Variants in SERPINI1 observed in about 807,000 individuals in gnomAD.
SERPINI1 encodes the protein serpin family I member 1, also known as neuroserpin.
In SERPINI1, 19 loss-of-function variants were observed where a neutral mutation model predicts 41.1. The ratio of observed to expected loss-of-function variants is 0.46; its 90% CI spans 0.32 to 0.68. The LOEUF is 0.68. Ranked by LOEUF, SERPINI1 falls within the 30% of genes least tolerant of loss-of-function variation. The probability of loss-of-function intolerance (pLI) is 0.03; values close to 1 mark genes in which losing one functional copy is unlikely to be tolerated. For missense variants in SERPINI1, 460 were observed against 479.2 expected, an observed-to-expected ratio of 0.96 and a Z score of 0.37; for synonymous variants, 138 against 156.6, an observed-to-expected ratio of 0.88 and a Z score of 0.89.
chr3:167,798,597 C>T (rs1322159124), intron 5 of SERPINI1, among the ~76,000 whole-genome samples: 1 of 152,120 alleles, frequency 6.6e-6, no homozygotes, highest in African/African-American at 2.4e-5. Flanking sequence ...TAATGGTTTG[C>T]ATAGTTTTAT....
intron 6 of SERPINI1, among the ~76,000 whole-genome samples, chr3:167,811,277 T>C (rs1711867099): frequency 6.6e-6 from 1 of 151,300 alleles, no homozygotes; most frequent in South Asian, 2.1e-4. Flanking sequence ...TCCTAACATC[T>C]GCAATGCCCA....
intron 5 of SERPINI1, among the ~76,000 whole-genome samples, chr3:167,803,038 A>G (rs944724012): frequency 7.4e-4 from 113 of 152,122 alleles, no homozygotes; most frequent in Non-Finnish European, 1.2e-3. Flanking sequence ...GAAAAAACCA[A>G]ACACCGCATA....
chr3:167,817,888 C>T (rs980361515), intron 6 of SERPINI1, among the ~76,000 whole-genome samples: 9 of 145,382 alleles, frequency 6.2e-5, no homozygotes, highest in South Asian at 4.2e-4. Context: ...CGTGAGCCAC[C>T]GCGCCCGGCC....
chr3:167,757,925 T>C (rs1195266863), intron 1 of SERPINI1, among the ~76,000 whole-genome samples: 1 of 152,060 alleles, frequency 6.6e-6, no homozygotes, highest in African/African-American at 2.4e-5. Flanking sequence ...TCTCAAAAAA[T>C]AAAGAAAAAT....
chr3:167,742,125 A>G (rs1725700089), intron 1 of SERPINI1, among the ~76,000 whole-genome samples: 1 of 152,152 alleles, frequency 6.6e-6, no homozygotes, highest in African/African-American at 2.4e-5. Context: ...AAAGGTGTAA[A>G]TAATAGCTAT....
chr3:167,804,252 C>G (rs1711545557), intron 5 of SERPINI1, among the ~76,000 whole-genome samples: 1 of 152,088 alleles, frequency 6.6e-6, no homozygotes, highest in South Asian at 2.1e-4. Flanking sequence ...TCATATTTTT[C>G]CATAACTGTG....
chr3:167,781,288 A>T (rs1727116368), intron 1 of SERPINI1, among the ~76,000 whole-genome samples: 1 of 152,086 alleles, frequency 6.6e-6, no homozygotes, highest in Admixed American at 6.6e-5. Flanking sequence ...ACCATGATAA[A>T]GTTTTCACCA....
rs1319322745 is a variant in SERPINI1, at chr3:167,794,816, C to A, written c.873C>A (p.Tyr291Ter). 1 of 1,612,608 alleles carries A rather than the reference C, an allele frequency of 6.2e-7. No homozygotes were observed. The highest frequency in any genetic ancestry group is 1.3e-5 in the African/African-American group (1 of 74,846). ...TGAAGAAGCAAAAAGTAGAAGTATA[C>A]CTGCCCAGGTATGAGGTTCCTGTGT... ...NSVKKQKVEVYLPRFTVEQEI... is the reference protein window; with the variant it reads ...NSVKKQKVEV The change falls in exon 5 of 9, where the codon TAC (tyrosine) becomes TAA (stop). Residue 291 changes from tyrosine to a stop codon, truncating the protein, a stop_gained. Coordinates refer to ENST00000446050, the MANE Select transcript of SERPINI1 (RefSeq NM_001122752.2). LOFTEE classifies it high-confidence loss of function.
chr3:167,795,508 A>G (rs1727682145), intron 5 of SERPINI1, among the ~76,000 whole-genome samples: 2 of 152,044 alleles, frequency 1.3e-5, no homozygotes, highest in Admixed American at 1.3e-4. Flanking sequence ...ATCTCCACTT[A>G]TGTTCTTGCA....
chr3:167,808,134 TAATAAATAAATA>T (rs60263204), intron 6 of SERPINI1, among the ~76,000 whole-genome samples: 1 of 146,848 alleles, frequency 6.8e-6, no homozygotes, highest in Non-Finnish European at 1.5e-5. Context: ...ATAGTAATGA[TAATAAATAAATA>T]AATAAATAAA....
chr3:167,803,982 G>T (rs1410194032), intron 5 of SERPINI1, among the ~76,000 whole-genome samples: 1 of 152,160 alleles, frequency 6.6e-6, no homozygotes, highest in Non-Finnish European at 1.5e-5. Context: ...CTCCACATAA[G>T]TGTTCAAAAA....
intron 1 of SERPINI1, among the ~76,000 whole-genome samples, chr3:167,743,108 T>C (rs1446007395): frequency 6.6e-6 from 1 of 152,118 alleles, no homozygotes; most frequent in Non-Finnish European, 1.5e-5. Flanking sequence ...ATAGACTGCA[T>C]TAAAAAATAT....
At chr3:167,774,037 GT>G (rs1015983498) in intron 1 of SERPINI1, among the ~76,000 whole-genome samples, 3 of 148,780 alleles carry the variant, frequency 2.0e-5, no homozygotes, top group African/African-American at 7.6e-5. Context: ...TCTACCACAA[GT>G]TTTTTTCTAA....
chr3:167,755,220 G>A (rs1329139130), intron 1 of SERPINI1, among the ~76,000 whole-genome samples: 1 of 152,098 alleles, frequency 6.6e-6, no homozygotes, highest in Non-Finnish European at 1.5e-5. Context: ...ACCTATTTCA[G>A]GATGGTAGTT....
At chr3:167,811,449 T>A in intron 6 of SERPINI1, among the ~76,000 whole-genome samples, 1 of 117,114 alleles carries the variant, frequency 8.5e-6, no homozygotes, top group African/African-American at 3.0e-5. Context: ...GTCAAGCATA[T>A]GAAATGGCTA....
At position 167,789,146 on chromosome 3, in the gene SERPINI1, C is replaced by G; in HGVS notation, c.18C>G (p.Leu6=). The G allele has an allele frequency of 6.2e-7, 1 of 1,614,068 alleles. No homozygotes were observed. Among genetic ancestry groups the G allele is most frequent in the Non-Finnish European group, 8.5e-7 (1 of 1,179,986 alleles). Residue 6 remains leucine (L), a synonymous_variant, in exon 2 of 9, where the codon CTC becomes CTG. Coordinates refer to ENST00000446050, the MANE Select transcript of SERPINI1 (RefSeq NM_001122752.2). MAFLG[L]FSLLVLQSMA... ...GTTACAATATGGCTTTCCTTGGACT[C>G]TTCTCTTTGCTGGTTCTGCAAAGTA...
chr3:167,794,130 T>G (rs1727634478), intron 4 of SERPINI1, among the ~76,000 whole-genome samples: 1 of 152,130 alleles, frequency 6.6e-6, no homozygotes, highest in Non-Finnish European at 1.5e-5. Context: ...GAGCCAAGGC[T>G]TTATTTTTCT....
chr3:167,764,858 A>C (rs1264842745), intron 1 of SERPINI1, among the ~76,000 whole-genome samples: 1 of 152,210 alleles, frequency 6.6e-6, no homozygotes, highest in Admixed American at 6.5e-5. Flanking sequence ...AAAGGGGCTA[A>C]AGGAACCATG....
At chr3:167,819,258 C>T (rs1712230252) in intron 6 of SERPINI1, among the ~76,000 whole-genome samples, 1 of 152,146 alleles carries the variant, frequency 6.6e-6, no homozygotes, top group South Asian at 2.1e-4. Context: ...AAGTGATCCT[C>T]CTGCCTCAGC....
Sources: gnomAD v4.1 joint callset for allele counts (sites outside exome capture counted in the v4.1 genomes callset) on GRCh38, gnomAD v4.1.1 for gene constraint, MANE v1.5 for transcripts, NCBI Gene and HGNC (gene_info 2026-07-23, HGNC 2026-07-21) for gene names.